ARSG: variants seen among roughly 807,000 people sequenced by gnomAD.
ARSG encodes ASG.
Under a neutral mutation model 50.5 loss-of-function variants are expected in ARSG, and 37 were observed. That is an observed-to-expected ratio of 0.73 (90% CI 0.56 to 0.96). The LOEUF (loss-of-function observed/expected upper bound fraction) is 0.96, where lower values mean the gene tolerates loss of function less well. Ranked by LOEUF, ARSG falls within the 50% of genes least tolerant of loss-of-function variation. ARSG has a pLI of 0.00. For missense variants in ARSG, 629 were observed against 675.3 expected (o/e 0.93, Z 0.76); for synonymous variants, 225 against 254.6 (o/e 0.88, Z 1.11).
At chr17:68,285,953 G>T (rs2075831989) in intron 1 of ARSG, among the ~76,000 whole-genome samples, 1 of 152,044 alleles carries the variant, frequency 6.6e-6, no homozygotes, top group Admixed American at 6.6e-5. Flanking sequence ...TAGAGACAGG[G>T]TTTCACCATG....
intron 2 of ARSG, among the ~76,000 whole-genome samples, chr17:68,337,924 A>T (rs1289260919): frequency 6.6e-6 from 1 of 151,730 alleles, no homozygotes; most frequent in Non-Finnish European, 1.5e-5. Flanking sequence ...GCCAGCAGAA[A>T]CTCTTCTTTC....
intron 1 of ARSG, among the ~76,000 whole-genome samples, chr17:68,298,581 C>T (rs1446733299): frequency 4.5e-5 from 5 of 112,260 alleles, no homozygotes; most frequent in African/African-American, 1.1e-4. Context: ...GGTGACAGAG[C>T]GGGATCCTGT....
chr17:68,297,384 G>A (rs1216279465), intron 1 of ARSG, among the ~76,000 whole-genome samples: 1 of 152,190 alleles, frequency 6.6e-6, no homozygotes, highest in Non-Finnish European at 1.5e-5. Flanking sequence ...GATAGTCATG[G>A]GATTGTGTAA....
chr17:68,335,836 CA>C (rs2077993608), intron 2 of ARSG, among the ~76,000 whole-genome samples: 1 of 152,176 alleles, frequency 6.6e-6, no homozygotes, highest in Non-Finnish European at 1.5e-5. Context: ...GTGTTGGAAG[CA>C]AAGGAGGTGC....
At chr17:68,346,251 T>C (rs757401254) in intron 3 of ARSG, among the ~76,000 whole-genome samples, 2 of 152,136 alleles carry the variant, frequency 1.3e-5, no homozygotes, top group Non-Finnish European at 2.9e-5. Context: ...AGGGAGGGAA[T>C]AATGGACTCC....
chr17:68,296,234 CG>C (rs1568431004), intron 1 of ARSG, among the ~76,000 whole-genome samples: 1 of 152,086 alleles, frequency 6.6e-6, no homozygotes, highest in African/African-American at 2.4e-5. Context: ...GATTTTGCCC[CG>C]ATCGAGTCAC....
intron 2 of ARSG, among the ~76,000 whole-genome samples, chr17:68,339,100 A>T (rs911584750): frequency 1.2e-3 from 183 of 151,552 alleles, no homozygotes; most frequent in Non-Finnish European, 2.3e-3. Flanking sequence ...TTTTTTTTTT[A>T]AATGAAGTGA....
chr17:68,345,980 A>G (rs1400330068), intron 3 of ARSG, among the ~76,000 whole-genome samples: 1 of 152,070 alleles, frequency 6.6e-6, no homozygotes, highest in African/African-American at 2.4e-5. Flanking sequence ...GGTTCAAGTG[A>G]TTCTCCTGCC....
the ARSG span, among the ~76,000 whole-genome samples, chr17:68,433,074 A>T: frequency 6.6e-6 from 1 of 152,246 alleles, no homozygotes; most frequent in African/African-American, 2.4e-5. Context: ...ATATTGTTAT[A>T]TTTACAGCTA....
At chr17:68,420,158 A>G (rs779009750) in intron 11 of ARSG, 31 bp from the exon 12 acceptor site, 1 of 1,609,838 alleles carries the variant, frequency 6.2e-7, no homozygotes, top group South Asian at 1.1e-5. Context: ...TGTCAGGGTT[A>G]GCGAGGCATT....
intron 11 of ARSG, among the ~76,000 whole-genome samples, chr17:68,402,761 G>A (rs1482679146): frequency 2.6e-5 from 4 of 152,030 alleles, no homozygotes; most frequent in African/African-American, 4.8e-5. Flanking sequence ...TCCTGACCTC[G>A]TGATCCACCC....
At chr17:68,419,191 C>A (rs1485601759) in intron 11 of ARSG, among the ~76,000 whole-genome samples, 1 of 152,076 alleles carries the variant, frequency 6.6e-6, no homozygotes, top group Non-Finnish European at 1.5e-5. Context: ...ACTTGATTCA[C>A]CAATTGGTAG....
the ARSG span, chr17:68,429,914 TCAGG>T: frequency 1.3e-6 from 2 of 1,590,768 alleles, no homozygotes; most frequent in Admixed American, 1.9e-5. Context: ...TTTTTTCTTT[TCAGG>T]TTTGGGGATT....
rs150776137 is a variant in ARSG, at chr17:68,381,825, C to T, written c.983-3239C>T. Among the ~76,000 whole-genome samples the T allele has an allele frequency of 3.3e-5, 5 of 152,210 alleles. No individual in the cohort carries two copies. Among genetic ancestry groups the T allele is most frequent in the East Asian group, 1.9e-4 (1 of 5,180 alleles). ...TCTCTGGGAAAGAGACTTTGGCATG[C>T]GTATTTTTTAAAAGCTCTCCAGTGA... On this transcript the variant is annotated intron_variant, in intron 8 of 11. Coordinates refer to ENST00000621439, the MANE Select transcript of ARSG (RefSeq NM_001267727.2). The surrounding 1 kb of genome is among the most constrained non-coding windows in gnomAD (Gnocchi z 4.1).
intron 9 of ARSG, among the ~76,000 whole-genome samples, chr17:68,394,198 T>C (rs2081128649): frequency 6.6e-6 from 1 of 152,204 alleles, no homozygotes; most frequent in Non-Finnish European, 1.5e-5. Context: ...AAGAAATTTG[T>C]GCTAATTTTG....
intron 2 of ARSG, among the ~76,000 whole-genome samples, chr17:68,326,409 G>A (rs1337079005): frequency 6.6e-6 from 1 of 152,216 alleles, no homozygotes; most frequent in Non-Finnish European, 1.5e-5. Context: ...GCTCACACCT[G>A]TAATTCCAGC....
rs1599841827 is a variant in ARSG, at chr17:68,352,161, G to C, written c.566+475G>C. ...GACAGAGGAGAGAGAGAGAGAGAGA[G>C]ACAGAGAGAGAGAGAGAGAGAGACA... On this transcript the variant is annotated intron_variant, in intron 5 of 11. Transcript: ENST00000621439. 3.0e-4 allele frequency among the ~76,000 whole-genome samples: 22 copies of C among 72,546 alleles called. 1 individual carries two copies. The Admixed American group carries it at 3.3e-3, about 11-fold the overall frequency. 47.6% of individuals were successfully genotyped at this position (72,546 alleles called of 152,430 possible). A position where few individuals can be genotyped will look rare whatever the true frequency, so the allele number is the denominator to read the frequency against.
At position 68,356,784 on chromosome 17, in the gene ARSG, C is replaced by A. The variant is rs2079053865; in HGVS notation, c.684C>A (p.Thr228=). The A allele has an allele frequency of 6.2e-7, 1 of 1,614,054 alleles. No homozygotes were observed. Among genetic ancestry groups the A allele is most frequent in the Non-Finnish European group, 8.5e-7 (1 of 1,180,032 alleles). Residue 228 remains threonine, a synonymous_variant, in exon 6 of 12, where the codon ACC becomes ACA. Transcript: ENST00000621439. The stretch of plus-strand genomic sequence containing the variant: ...CCCAGAAGTATGCTGAGAAAGCAAC[C>A]CAGTTCATCCAGCGTGCAAGGTGAG... The part of the protein sequence containing the change: ...SLAQKYAEKA[T]QFIQRASTSG...
chr17:68,357,152 G>A (rs2079070346), intron 6 of ARSG, among the ~76,000 whole-genome samples: 1 of 152,186 alleles, frequency 6.6e-6, no homozygotes, highest in Admixed American at 6.5e-5. Context: ...CAAGGCATTT[G>A]TTGAGCTCAC....
Sources: gnomAD v4.1 joint callset for allele counts (sites outside exome capture counted in the v4.1 genomes callset) on GRCh38, gnomAD v4.1.1 for gene constraint, Gnocchi (gnomAD v3.1) non-coding constraint, MANE v1.5 for transcripts, NCBI Gene and HGNC (gene_info 2026-07-23, HGNC 2026-07-21) for gene names.